Variants in EPC1 observed in about 807,000 individuals in gnomAD.
EPC1 encodes enhancer of polycomb 1, also known as enhancer of polycomb homolog 1.
EPC1 carries 12 observed loss-of-function variants against 98.4 expected under a neutral mutation model. The ratio of observed to expected loss-of-function variants is 0.12; its 90% CI spans 0.08 to 0.20. The LOEUF is 0.20. Among genes scored for constraint, EPC1 ranks in the 10% least tolerant of loss-of-function variants. The pLI, the probability that EPC1 is intolerant of heterozygous loss-of-function variation, is 1.00. For synonymous variants in EPC1, 357 were observed against 363.9 expected (o/e 0.98, Z 0.21); for missense variants, 729 against 990.5 (o/e 0.74, Z 3.54).
intron 1 of EPC1, among the ~76,000 whole-genome samples, chr10:32,342,182 T>G (rs1838404064): frequency 6.6e-6 from 1 of 152,238 alleles, no homozygotes; most frequent in African/African-American, 2.4e-5. Flanking sequence ...TTGCTTCTAC[T>G]ATAATTGAGA....
intron 1 of EPC1, among the ~76,000 whole-genome samples, chr10:32,310,371 G>A (rs1189442585): frequency 2.0e-5 from 3 of 152,148 alleles, no homozygotes; most frequent in African/African-American, 7.2e-5. Flanking sequence ...ACGTGGGATT[G>A]TGGTTAACAT....
At chr10:32,345,191 A>T in intron 1 of EPC1, 3 of 984,840 alleles carry the variant, frequency 3.0e-6, no homozygotes, top group Non-Finnish European at 3.6e-6. Flanking sequence ...TCTAAAGTTG[A>T]TACAAGTAAA....
At position 32,346,755 on chromosome 10, in the gene EPC1, A is replaced by G. The variant is rs1838858019; in HGVS notation, c.153+8T>C. ...GACGGTGGGTCGGACAGGGGAGTTA[A>G]CACGTACCGACTCCTCTTCCTTCTC... On this transcript the variant is annotated splice_region_variant and intron_variant, in intron 1 of 13. Transcript: ENST00000319778. 1.2e-6 allele frequency: 2 copies of G among 1,613,526 alleles called. No individual in the cohort carries two copies. The highest frequency in any genetic ancestry group is 2.7e-5 in the African/African-American group (2 of 74,900).
intron 1 of EPC1, among the ~76,000 whole-genome samples, chr10:32,374,785 G>A (rs1190034718): frequency 6.6e-6 from 1 of 151,892 alleles, no homozygotes; most frequent in Admixed American, 6.6e-5. Flanking sequence ...CATTACAGCA[G>A]GAATCCTTGC....
chr10:32,305,309 A>G (rs1433578240), intron 2 of EPC1, among the ~76,000 whole-genome samples: 8 of 152,208 alleles, frequency 5.3e-5, no homozygotes, highest in African/African-American at 9.6e-5. Flanking sequence ...TCATTTTTCT[A>G]TTCTCTTTAG....
intron 2 of EPC1, among the ~76,000 whole-genome samples, chr10:32,301,230 G>A (rs1380048685): frequency 6.6e-6 from 1 of 152,102 alleles, no homozygotes; most frequent in Non-Finnish European, 1.5e-5. Context: ...AATAAAACAT[G>A]TGCAGGATCT....
intron 2 of EPC1, 88 bp from the exon 3 acceptor site, chr10:32,293,825 CTT>C (rs1308988508): frequency 8.2e-7 from 1 of 1,214,142 alleles, no homozygotes; most frequent in African/African-American, 1.5e-5. Flanking sequence ...AAGACCTAGA[CTT>C]TCTAAAGAAA....
rs560433519 is a variant in EPC1 at position 32,368,771 on chromosome 10, T to G, written c.3+9720A>C. On this transcript the variant is annotated intron_variant, in intron 1 of 13. Coordinates refer to the EPC1 transcript ENST00000375110. The stretch of plus-strand genomic sequence containing the variant: ...GCGTCGCACTGTGTAAGGCCTATTT[T>G]GATCTCTGAAATCAGGTTTGTCTAA... Among the ~76,000 whole-genome samples the G allele has an allele frequency of 9.2e-5, 14 of 152,324 alleles. No individual in the cohort carries two copies. The East Asian group carries it at 2.7e-3, about 29-fold the overall frequency.
intron 2 of EPC1, among the ~76,000 whole-genome samples, chr10:32,303,211 G>A (rs1303914165): frequency 6.6e-6 from 1 of 152,092 alleles, no homozygotes; most frequent in East Asian, 1.9e-4. Flanking sequence ...GCTGAGGCAC[G>A]AGAATCGCTT....
At chr10:32,350,734 A>G (rs981074085), upstream of EPC1, among the ~76,000 whole-genome samples, 1 of 152,262 alleles carries the variant, frequency 6.6e-6, no homozygotes, top group Non-Finnish European at 1.5e-5. Flanking sequence ...TTCCAAATAC[A>G]GAATTTCTAC....
intron 1 of EPC1, among the ~76,000 whole-genome samples, chr10:32,328,529 C>T (rs1168226343): frequency 6.6e-6 from 1 of 152,128 alleles, no homozygotes; most frequent in Non-Finnish European, 1.5e-5. Context: ...GTTTTAGCTC[C>T]CAATGAGGGC....
In EPC1 at chr10:32,273,234, T is replaced by C; in HGVS notation, c.1792A>G (p.Met598Val). The change falls in exon 11 of 14, where the codon ATG (methionine) becomes GTG (valine). Residue 598 changes from methionine to valine, a missense_variant. Around this residue, in one of 6 missense-constraint regions of EPC1, gnomAD observed 390 missense variants for 438.6 expected, o/e 0.89. Coordinates refer to ENST00000319778, the MANE Select transcript of EPC1 (RefSeq NM_001272004.3). ...YQQHQQQLAL[M>V]QKQQLAQIQQ... Reference sequence around the variant, plus strand: ...ATTTGTGCAAGCTGCTGTTTCTGCATGAGTGCCAGTTGCTGTTGATGTTGC... The same window carrying C: ...ATTTGTGCAAGCTGCTGTTTCTGCACGAGTGCCAGTTGCTGTTGATGTTGC... The C allele has an allele frequency of 1.9e-6, 3 of 1,613,922 alleles. No individual in the cohort carries two copies. The highest frequency in any genetic ancestry group is 2.5e-6 in the Non-Finnish European group (3 of 1,179,730).
At chr10:32,372,792 G>A (rs1333310766) in intron 1 of EPC1, among the ~76,000 whole-genome samples, 5 of 152,170 alleles carry the variant, frequency 3.3e-5, no homozygotes, top group Non-Finnish European at 5.9e-5. Context: ...CAGCCGAGGC[G>A]GGTGGATCAC....
At chr10:32,275,493 G>A (rs1471152700) in intron 10 of EPC1, among the ~76,000 whole-genome samples, 1 of 152,052 alleles carries the variant, frequency 6.6e-6, no homozygotes, top group East Asian at 1.9e-4. Context: ...TTGGCTGGGC[G>A]CGGTGGCTCA....
chr10:32,376,847 T>C (rs1439006943), intron 1 of EPC1, among the ~76,000 whole-genome samples: 1 of 152,202 alleles, frequency 6.6e-6, no homozygotes, highest in African/African-American at 2.4e-5. Flanking sequence ...ACTATTTCAG[T>C]TGTTTTTATT....
intron 1 of EPC1, among the ~76,000 whole-genome samples, chr10:32,324,120 G>C (rs760549738): frequency 4.0e-5 from 6 of 151,528 alleles, no homozygotes; most frequent in Non-Finnish European, 8.8e-5. Context: ...GTATTTTTTA[G>C]TAAAAACAGG....
At chr10:32,372,561 T>A (rs1457212192) in intron 1 of EPC1, among the ~76,000 whole-genome samples, 1 of 152,132 alleles carries the variant, frequency 6.6e-6, no homozygotes, top group Non-Finnish European at 1.5e-5. Flanking sequence ...AGAGAGGAGG[T>A]AAAGTACAAG....
At position 32,305,914 on chromosome 10, in the gene EPC1, C is replaced by T. The variant is rs776249449; in HGVS notation, c.171G>A (p.Arg57=). The part of the protein sequence containing the change: ...KEEESEHHLQ[R]AISAQQVYGE... ...CATACACCTGCTGTGCTGAAATAGC[C>T]CGCTGAAGATGATGTTCCTAAAAAG... Residue 57 remains arginine (R), a synonymous_variant, in exon 2 of 14, where the codon CGG becomes CGA. Transcript: ENST00000319778. 6.3e-7 allele frequency: 1 copy of T among 1,599,748 alleles called. No individual in the cohort carries two copies. The highest frequency in any genetic ancestry group is 1.8e-5 in the Admixed American group (1 of 56,642).
At position 32,271,634 on chromosome 10, in the gene EPC1, T is replaced by A. The variant is rs1416433658; in HGVS notation, c.2289A>T (p.Ser763=). 6.2e-7 allele frequency: 1 copy of A among 1,614,178 alleles called. No individual in the cohort carries two copies. Among genetic ancestry groups the A allele is most frequent in the Non-Finnish European group, 8.5e-7 (1 of 1,180,024 alleles). Residue 763 remains serine, a synonymous_variant, in exon 13 of 14, where the codon TCA becomes TCT. Coordinates refer to ENST00000319778, the MANE Select transcript of EPC1 (RefSeq NM_001272004.3). ...CTGCAGCGGCCAGCTTTAAGGCAGATGATGGAACAGCACTTAAAGTCCTAG... is the reference window on the plus strand; with the variant it reads ...CTGCAGCGGCCAGCTTTAAGGCAGAAGATGGAACAGCACTTAAAGTCCTAG... ...HIPRTLSAVP[S]SALKLAAAAN...
Sources: allele counts gnomAD v4.1 joint callset (sites outside exome capture counted in the v4.1 genomes callset), GRCh38; gene constraint gnomAD v4.1.1; regional missense constraint gnomAD v4.1.1; transcripts MANE v1.5; gene names NCBI Gene and HGNC (gene_info 2026-07-23, HGNC 2026-07-21).